The following NUP62 variants were observed in gnomAD, a reference collection of about 807,000 sequenced individuals.
NUP62 encodes the protein nucleoporin 62.
For synonymous variants in NUP62, 305 were observed against 303.4 expected, an observed-to-expected ratio of 1.01 and a Z score of -0.05; for missense variants, 647 against 689.4, an observed-to-expected ratio of 0.94 and a Z score of 0.69.
chr19:49,924,382 C>G (rs893866672), intron 2 of NUP62, among the ~76,000 whole-genome samples: 1 of 152,160 alleles, frequency 6.6e-6, no homozygotes, highest in Admixed American at 6.5e-5. Context: ...TGCGGGGGTT[C>G]TCCCTTATCC....
At chr19:49,914,529 AAAC>A (rs2075568232) in intron 2 of NUP62, among the ~76,000 whole-genome samples, 1 of 152,072 alleles carries the variant, frequency 6.6e-6, no homozygotes, top group Admixed American at 6.6e-5. Context: ...CTTGAGTTTC[AAAC>A]AACACGGCCG....
chr19:49,909,576 T>A lies in NUP62; in HGVS notation c.232A>T (p.Thr78Ser). The A allele has an allele frequency of 6.2e-7, 1 of 1,614,124 alleles. No homozygotes were observed. ...ATQTTGFTFG[T>S]ATLASGGTGF... Reference sequence around the variant, plus strand: ...GTTCCCCCCGAAGCAAGAGTCGCTGTTCCAAAAGTGAAGCCTGTCGTCTGT... The same window carrying A: ...GTTCCCCCCGAAGCAAGAGTCGCTGATCCAAAAGTGAAGCCTGTCGTCTGT... Residue 78 changes from threonine (T) to serine (S), a missense_variant, in exon 3 of 3, where the codon ACA (threonine) becomes TCA (serine). By Grantham distance (58) the Thr-to-Ser change is moderately conservative. Transcript: ENST00000352066.
chr19:49,909,721 A>T lies in NUP62; in HGVS notation c.87T>A (p.Ala29=). ...CAGAGGTGGAGAAAGAAAACCCTGTAGCAGGTGTGGTTGTTGCCGTCTTTG... is the reference window on the plus strand; with the variant it reads ...CAGAGGTGGAGAAAGAAAACCCTGTTGCAGGTGTGGTTGTTGCCGTCTTTG... The part of the protein sequence containing the change: ...GTAKTATTTP[A]TGFSFSTSGT... Residue 29 remains alanine, a synonymous_variant, in exon 3 of 3, where the codon GCT becomes GCA. Transcript: ENST00000352066. 6.2e-7 allele frequency: 1 copy of T among 1,614,160 alleles called. No individual in the cohort carries two copies. Among genetic ancestry groups the T allele is most frequent in the South Asian group, 1.1e-5 (1 of 91,088 alleles).
At chr19:49,912,137 A>T (rs1290739) in intron 2 of NUP62, among the ~76,000 whole-genome samples, 1 of 150,620 alleles carries the variant, frequency 6.6e-6, no homozygotes, top group East Asian at 2.0e-4. Context: ...ACAATCTTCT[A>T]TGGGGACTTG....
At chr19:49,924,394 A>G (rs1057323342) in intron 2 of NUP62, among the ~76,000 whole-genome samples, 2 of 152,034 alleles carry the variant, frequency 1.3e-5, no homozygotes, top group African/African-American at 4.8e-5. Context: ...CCCTTATCCA[A>G]GGCTCTGCTA....
chr19:49,927,092 A>G (rs2075913633), intron 2 of NUP62, among the ~76,000 whole-genome samples: 1 of 151,924 alleles, frequency 6.6e-6, no homozygotes, highest in Admixed American at 6.6e-5. Flanking sequence ...AATTCCTGAG[A>G]TCAAGCAATC....
At chr19:49,927,842 A>C (rs531186677) in intron 1 of NUP62, 27 bp from the exon 2 acceptor site, 1 of 152,410 alleles carries the variant, frequency 6.6e-6, no homozygotes, top group African/African-American at 2.4e-5. Flanking sequence ...ACGGACATCC[A>C]CCTCGGCTGG....
At chr19:49,914,192 G>T (rs56131457) in intron 2 of NUP62, among the ~76,000 whole-genome samples, 2,935 of 152,316 alleles carry the variant, frequency 0.019, 46 homozygotes, top group African/African-American at 0.044. Flanking sequence ...TAGAACTTGG[G>T]AAGTTTCTCA....
chr19:49,909,667 G>C lies in NUP62; in HGVS notation c.141C>G (p.Pro47=), dbSNP rs781250765. The C allele has an allele frequency of 6.2e-7, 1 of 1,614,098 alleles. No homozygotes were observed. Among genetic ancestry groups the C allele is most frequent in the Admixed American group, 1.7e-5 (1 of 60,002 alleles). ...AAGGGGTACTTGTGGCTGGTTGGAA[G>C]GGAGCCCCAAAATTAAACCCTCCAG... ...SGTGGFNFGA[P]FQPATSTPST... The change falls in exon 3 of 3, where the codon CCC becomes CCG. Residue 47 remains proline (P), a synonymous_variant. Transcript: ENST00000352066.
intron 2 of NUP62, among the ~76,000 whole-genome samples, chr19:49,923,077 T>TA (rs1020902131): frequency 1.3e-5 from 2 of 151,828 alleles, no homozygotes; most frequent in Non-Finnish European, 2.9e-5. Flanking sequence ...CTGTGTCCCT[T>TA]TTTTTTTGCA....
chr19:49,913,855 T>TA (rs745740917), intron 2 of NUP62, among the ~76,000 whole-genome samples: 75 of 151,960 alleles, frequency 4.9e-4, no homozygotes, highest in Non-Finnish European at 8.7e-4. Context: ...GTTCGGGCGT[T>TA]ATATTGAGGG....
rs2075333132 is a variant in NUP62, at chr19:49,906,874, T to C, written c.*1365A>G. The C allele has an allele frequency of 2.6e-5, 4 of 152,242 alleles. No homozygotes were observed. Among genetic ancestry groups the C allele is most frequent in the Non-Finnish European group, 2.9e-5 (2 of 68,082 alleles). The allele number at this position is 152,242 out of a possible 1,614,324, so 9.4% of individuals were successfully genotyped here. ...TAGAAAAGCAACATACAGTAATAGG[T>C]ATTTCAGAGAATTCAGCAAAGTATA... On this transcript the variant is annotated 3_prime_UTR_variant, in exon 3 of 3. Coordinates refer to ENST00000352066, the MANE Select transcript of NUP62 (RefSeq NM_016553.5).
chr19:49,908,719 G>A lies in NUP62; in HGVS notation c.1089C>T (p.Arg363=), dbSNP rs200401570. ...QQATQVNAWD[R]TLIENGEKIT... is the part of the protein sequence containing the mutation. The stretch of plus-strand genomic sequence containing the variant: ...TCTTTTCTCCATTCTCGATCAGCGT[G>A]CGGTCCCAGGCGTTGACCTGGGTGG... The change falls in exon 3 of 3, where the codon CGC becomes CGT. Residue 363 remains arginine, a synonymous_variant. Transcript: ENST00000352066. 18 of 1,612,846 alleles carry A rather than the reference G, an allele frequency of 1.1e-5. No homozygotes were observed. The highest frequency in any genetic ancestry group is 1.5e-5 in the Non-Finnish European group (18 of 1,180,050).
Position 49,909,451 on chromosome 19 carries a change from G to T in NUP62, c.357C>A (p.Ser119Arg). Residue 119 changes from serine (S) to arginine (R), a missense_variant, in exon 3 of 3, where the codon AGC becomes AGA. By Grantham distance (110) the Ser-to-Arg change is moderately radical. Transcript: ENST00000352066. ...TGCTCGATATGGCATTAGTGAGGTT[G>T]CTGCTGCCCAGCCCAAAGCCGCTGG... ...ANPSGFGLGS[S>R]NLTNAISSTV... The T allele has an allele frequency of 4.3e-6, 7 of 1,614,126 alleles. No homozygotes were observed. Among genetic ancestry groups the T allele is most frequent in the Non-Finnish European group, 5.9e-6 (7 of 1,180,030 alleles).
Position 49,908,219 on chromosome 19 carries a change from G to A in NUP62, c.*20C>T. On this transcript the variant is annotated 3_prime_UTR_variant, in exon 3 of 3. Transcript: ENST00000352066. Reference sequence around the variant, plus strand: ...CTCATGAACTCCCTAGGGACCTGCGGGCCCCAGGGCTGCTGTCGCTCAGTC... The same window carrying A: ...CTCATGAACTCCCTAGGGACCTGCGAGCCCCAGGGCTGCTGTCGCTCAGTC... 1 of 1,611,250 alleles carries A rather than the reference G, an allele frequency of 6.2e-7. No individual in the cohort carries two copies. Among genetic ancestry groups the A allele is most frequent in the Non-Finnish European group, 8.5e-7 (1 of 1,179,862 alleles).
intron 2 of NUP62, chr19:49,917,495 C>G (rs540970812): frequency 6.6e-6 from 1 of 152,412 alleles, no homozygotes; most frequent in East Asian, 1.9e-4. Flanking sequence ...CCTAAGTGGA[C>G]CTTAGCCAAG....
At chr19:49,927,964 G>A (rs2075946273) in intron 1 of NUP62, 149 bp from the exon 2 acceptor site, 1 of 152,248 alleles carries the variant, frequency 6.6e-6, no homozygotes, top group African/African-American at 2.4e-5. Context: ...TCCAGTGGAA[G>A]CTGAAGGACG....
chr19:49,923,854 C>A (rs2075821148), intron 2 of NUP62, among the ~76,000 whole-genome samples: 1 of 152,248 alleles, frequency 6.6e-6, no homozygotes, highest in South Asian at 2.1e-4. Context: ...TGCTCTGACC[C>A]ACGCTGCGGA....
At position 49,921,502 on chromosome 19, in the gene NUP62, G is replaced by A. The variant is rs562190570; in HGVS notation, c.-78+6192C>T. 1.3e-5 allele frequency among the ~76,000 whole-genome samples: 2 copies of A among 152,166 alleles called. No individual in the cohort carries two copies. The highest frequency in any genetic ancestry group is 2.1e-4 in the South Asian group (1 of 4,828). ...TGATCCGCCCGCCCCAGCTGCAGAC[G>A]ATGGCCTGAGACGCCTGCAGGGAAG... On this transcript the variant is annotated intron_variant, in intron 2 of 2. Transcript: ENST00000352066. This position sits in a 1 kb window ranked among gnomAD's most constrained non-coding sequence, Gnocchi z 5.4.
Sources: gnomAD v4.1 joint callset for allele counts (sites outside exome capture counted in the v4.1 genomes callset) on GRCh38, gnomAD v4.1.1 for gene constraint, Gnocchi (gnomAD v3.1) non-coding constraint, MANE v1.5 for transcripts, NCBI Gene and HGNC (gene_info 2026-07-23, HGNC 2026-07-21) for gene names.